NCBP3: variants seen among roughly 807,000 people sequenced by gnomAD.
The protein encoded by NCBP3 is nuclear cap binding subunit 3.
A neutral mutation model predicts 75.7 loss-of-function variants in NCBP3; 20 were observed. The observed-to-expected ratio is 0.26, with a 90% CI of 0.19 to 0.38. NCBP3 has a LOEUF of 0.38. Ranked by LOEUF, NCBP3 falls within the 10% of genes least tolerant of loss-of-function variation. The probability of loss-of-function intolerance (pLI) is 1.00; values close to 1 mark genes in which losing one functional copy is unlikely to be tolerated. For missense variants in NCBP3, 678 were observed against 796.9 expected, an observed-to-expected ratio of 0.85 and a Z score of 1.80; for synonymous variants, 293 against 290.5, an observed-to-expected ratio of 1.01 and a Z score of -0.09.
At chr17:3,820,397 T>G (rs147120186) in intron 9 of NCBP3, among the ~76,000 whole-genome samples, 6 of 152,344 alleles carry the variant, frequency 3.9e-5, no homozygotes, top group African/African-American at 1.4e-4. Context: ...CTAGTTCTAT[T>G]AGGCATGTAG....
chr17:3,836,148 CT>C (rs2053968188), intron 3 of NCBP3, among the ~76,000 whole-genome samples: 1 of 152,214 alleles, frequency 6.6e-6, no homozygotes, highest in African/African-American at 2.4e-5. Context: ...TAACAAATAA[CT>C]TGAACTTGAC....
chr17:3,825,094 T>C, intron 6 of NCBP3, 44 bp from the exon 7 acceptor site: 1 of 1,115,402 alleles, frequency 9.0e-7, no homozygotes, highest in South Asian at 1.5e-5. Flanking sequence ...TAAAGTCCTT[T>C]TGATATTTCT....
intron 3 of NCBP3, among the ~76,000 whole-genome samples, chr17:3,831,387 A>G (rs1379857231): frequency 6.6e-6 from 1 of 151,704 alleles, no homozygotes; most frequent in African/African-American, 2.4e-5. Context: ...TCTGGCCAAC[A>G]TGGTGAAACC....
At position 3,812,930 on chromosome 17, in the gene NCBP3, C is replaced by A; in HGVS notation, c.*114G>T. ...CCGAAGTAGCAAGAGCGGAGGGTGA[C>A]TGTGTGAGCAGGAGCGAGAGGGCGC... On this transcript the variant is annotated 3_prime_UTR_variant, in exon 13 of 13. Coordinates refer to ENST00000389005, the MANE Select transcript of NCBP3 (RefSeq NM_001114118.3). The A allele has an allele frequency of 6.6e-7, 1 of 1,523,834 alleles. No individual in the cohort carries two copies. Among genetic ancestry groups the A allele is most frequent in the South Asian group, 1.3e-5 (1 of 76,494 alleles). 94.4% of individuals were successfully genotyped at this position (1,523,834 alleles called of 1,614,324 possible).
Position 3,813,033 on chromosome 17 carries a change from C to G in NCBP3, c.*11G>C. 1 of 1,614,068 alleles carries G rather than the reference C, an allele frequency of 6.2e-7. No homozygotes were observed. Among genetic ancestry groups the G allele is most frequent in the Non-Finnish European group, 8.5e-7 (1 of 1,179,988 alleles). On this transcript the variant is annotated 3_prime_UTR_variant, in exon 13 of 13. Coordinates refer to ENST00000389005, the MANE Select transcript of NCBP3 (RefSeq NM_001114118.3). ...CAGGCTTTAGGGCAGCTGCCATAGG[C>G]CCCAGGGGCATCAGGACTCTGCCTC... is the stretch of plus-strand genomic sequence containing the variant.
At position 3,812,624 on chromosome 17, in the gene NCBP3, A is replaced by G; in HGVS notation, c.*420T>C. 9.8e-7 allele frequency: 1 copy of G among 1,017,934 alleles called. No homozygotes were observed. The highest frequency in any genetic ancestry group is 1.2e-6 in the Non-Finnish European group (1 of 849,512). 63.1% of individuals were successfully genotyped at this position (1,017,934 alleles called of 1,614,324 possible). A position where few individuals can be genotyped will look rare whatever the true frequency, so the allele number is the denominator to read the frequency against. Reference sequence around the variant, plus strand: ...ATGTCCAATAAGCACCTGGGAATTGACTTTTCTTGGGAAAAGGGTGCTGGT... The same window carrying G: ...ATGTCCAATAAGCACCTGGGAATTGGCTTTTCTTGGGAAAAGGGTGCTGGT... On this transcript the variant is annotated 3_prime_UTR_variant, in exon 13 of 13. Coordinates refer to ENST00000389005, the MANE Select transcript of NCBP3 (RefSeq NM_001114118.3).
At chr17:3,820,509 A>G (rs550608701) in intron 9 of NCBP3, among the ~76,000 whole-genome samples, 4 of 152,356 alleles carry the variant, frequency 2.6e-5, no homozygotes, top group African/African-American at 9.6e-5. Flanking sequence ...AAGAAACCCA[A>G]GTCATGATAT....
In NCBP3 at chr17:3,826,410, G is replaced by A. The variant is rs191376551; in HGVS notation, c.482-195C>T. Among the ~76,000 whole-genome samples the A allele has an allele frequency of 4.4e-3, 664 of 152,242 alleles. 3 individuals are homozygous for A. The highest frequency in any genetic ancestry group is 0.021 in the Admixed American group (322 of 15,282). On this transcript the variant is annotated intron_variant, in intron 4 of 12. Coordinates refer to ENST00000389005, the MANE Select transcript of NCBP3 (RefSeq NM_001114118.3). ...ACCTATAACCCCAGTACTTTGGGAGGCCAAGGCAGGAGACTCGCTTGGAGT... is the reference window on the plus strand; with the variant it reads ...ACCTATAACCCCAGTACTTTGGGAGACCAAGGCAGGAGACTCGCTTGGAGT...
In NCBP3 at chr17:3,845,202, A is replaced by G. The variant is rs533123451; in HGVS notation, c.183+839T>C. 9.2e-5 allele frequency among the ~76,000 whole-genome samples: 14 copies of G among 152,292 alleles called. 1 individual carries two copies. The South Asian group carries it at 2.9e-3, about 32-fold the overall frequency. ...AAATGCTACTATATTAGCTGTTGTTAATCATAATTATAACGTTTGCCATCT... is the reference window on the plus strand; with the variant it reads ...AAATGCTACTATATTAGCTGTTGTTGATCATAATTATAACGTTTGCCATCT... On this transcript the variant is annotated intron_variant, in intron 1 of 12. Transcript: ENST00000389005.
rs749386187 is a variant in NCBP3, at chr17:3,821,268, C to A, written c.981G>T (p.Ser327=). 6.2e-7 allele frequency: 1 copy of A among 1,613,182 alleles called. No individual in the cohort carries two copies. Among genetic ancestry groups the A allele is most frequent in the African/African-American group, 1.3e-5 (1 of 75,012 alleles). Residue 327 remains serine, a synonymous_variant, in exon 9 of 13, where the codon TCG becomes TCT. Transcript: ENST00000389005. ...ALIGDDVGLT[S]YKHRHSGLVN... is the part of the protein sequence containing the mutation. Reference sequence around the variant, plus strand: ...AACTACCAGAATGTCGATGTTTATACGACGTCAAGCCAACGTCATCCCCAA... The same window carrying A: ...AACTACCAGAATGTCGATGTTTATAAGACGTCAAGCCAACGTCATCCCCAA...
At chr17:3,813,560 T>C (rs1182918220) in intron 12 of NCBP3, among the ~76,000 whole-genome samples, 1 of 152,162 alleles carries the variant, frequency 6.6e-6, no homozygotes, top group African/African-American at 2.4e-5. Flanking sequence ...TGAGAGGCCG[T>C]TTCCTCCTAC....
rs530985516 is a variant in NCBP3 at position 3,825,064 on chromosome 17, A to G, written c.688-14T>C. Reference sequence around the variant, plus strand: ...CAACGTATCCAACTTAAGAAAGAAGAGTATTTTTAATATAAAAATTAAAGT... The same window carrying G: ...CAACGTATCCAACTTAAGAAAGAAGGGTATTTTTAATATAAAAATTAAAGT... On this transcript the variant is annotated splice_polypyrimidine_tract_variant and intron_variant, in intron 6 of 12. Transcript: ENST00000389005. The G allele has an allele frequency of 7.3e-6, 10 of 1,370,578 alleles. No individual in the cohort carries two copies. In the South Asian group the frequency reaches 9.6e-5, roughly 13 times the overall value. The allele number at this position is 1,370,578 out of a possible 1,614,324, so 84.9% of individuals were successfully genotyped here.
At position 3,832,446 on chromosome 17, in the gene NCBP3, C is replaced by G. The variant is rs180747236; in HGVS notation, c.356-3078G>C. 2.3e-4 allele frequency among the ~76,000 whole-genome samples: 27 copies of G among 117,298 alleles called. 8 individuals are homozygous for G. In the South Asian group the frequency reaches 8.0e-3, roughly 35 times the overall value. 77.0% of individuals were successfully genotyped at this position (117,298 alleles called of 152,430 possible). A position where few individuals can be genotyped will look rare whatever the true frequency, so the allele number is the denominator to read the frequency against. On this transcript the variant is annotated intron_variant, in intron 3 of 12. Transcript: ENST00000389005. ...CAGATCGAGACCATCCTGGCCAACA[C>G]GGTGAAACCCCGTCTCTACTAAAAA... is the stretch of plus-strand genomic sequence containing the variant.
rs371666721 is a variant in NCBP3, at chr17:3,826,181, T to C, written c.516A>G (p.Thr172=). 4.4e-5 allele frequency: 68 copies of C among 1,550,988 alleles called. No individual in the cohort carries two copies. Among genetic ancestry groups the C allele is most frequent in the Non-Finnish European group, 5.8e-5 (66 of 1,146,678 alleles). The part of the protein sequence containing the change: ...NVVWLDEMTA[T]RALINMSSLP... ...GGGAGCTCATATTGATAAGTGCTCG[T>C]GTGGCTGTCATTTCATCCAGCCAAA... Residue 172 remains threonine (T), a synonymous_variant, in exon 5 of 13, where the codon ACA becomes ACG. Transcript: ENST00000389005.
At chr17:3,839,691 A>G (rs527915839) in intron 3 of NCBP3, among the ~76,000 whole-genome samples, 1 of 152,268 alleles carries the variant, frequency 6.6e-6, no homozygotes, top group Non-Finnish European at 1.5e-5. Flanking sequence ...GCTTTTCCCC[A>G]CCAATCTCAA....
chr17:3,844,472 T>A (rs558330096), intron 1 of NCBP3, among the ~76,000 whole-genome samples: 3 of 152,110 alleles, frequency 2.0e-5, no homozygotes, highest in East Asian at 3.9e-4. Context: ...TCATTTAGAG[T>A]TTATATGGAA....
intron 3 of NCBP3, among the ~76,000 whole-genome samples, chr17:3,834,418 G>T (rs959379390): frequency 5.9e-5 from 9 of 152,238 alleles, no homozygotes; most frequent in African/African-American, 2.2e-4. Flanking sequence ...TGGTGAGCAT[G>T]AACTGTTTGT....
intron 4 of NCBP3, among the ~76,000 whole-genome samples, chr17:3,826,531 C>G (rs955975373): frequency 6.6e-6 from 1 of 151,038 alleles, no homozygotes; most frequent in Non-Finnish European, 1.5e-5. Context: ...CTTGGGAGGC[C>G]GAGGTGGGAG....
chr17:3,842,813 T>C (rs563569766), intron 2 of NCBP3, among the ~76,000 whole-genome samples: 1 of 152,254 alleles, frequency 6.6e-6, no homozygotes, highest in South Asian at 2.1e-4. Flanking sequence ...ACCCGACTAA[T>C]TTTTGTATCT....
Sources: allele counts gnomAD v4.1 joint callset (sites outside exome capture counted in the v4.1 genomes callset), GRCh38; gene constraint gnomAD v4.1.1; transcripts MANE v1.5; gene names NCBI Gene and HGNC (gene_info 2026-07-23, HGNC 2026-07-21).